Variants in TRMT6 observed in about 807,000 individuals in gnomAD.
The protein encoded by TRMT6 is tRNA methyltransferase 6 non-catalytic subunit.
A neutral mutation model predicts 59.0 loss-of-function variants in TRMT6; 34 were observed. That is an observed-to-expected ratio of 0.58 (90% CI 0.44 to 0.77). The LOEUF (loss-of-function observed/expected upper bound fraction) is 0.77. Ranked by LOEUF, TRMT6 falls within the 30% of genes least tolerant of loss-of-function variation. The probability of loss-of-function intolerance (pLI) is 0.00; values close to 1 mark genes in which losing one functional copy is unlikely to be tolerated. For synonymous variants in TRMT6, 217 were observed against 210.5 expected, an observed-to-expected ratio of 1.03 and a Z score of -0.27; for missense variants, 575 against 604.5, an observed-to-expected ratio of 0.95 and a Z score of 0.51.
At position 5,938,674 on chromosome 20, in the gene TRMT6, T is replaced by C. The variant is rs2088629102; in HGVS notation, c.1355A>G (p.Tyr452Cys). 1 of 1,614,188 alleles carries C rather than the reference T, an allele frequency of 6.2e-7. No homozygotes were observed. The highest frequency in any genetic ancestry group is 8.5e-7 in the Non-Finnish European group (1 of 1,180,022). ...GGCAACGGTGAAGCCGGAGAGAAGA[T>C]AACCCCCACCTCCACTCATCAGCAG... ...PKLLMSGGGG[Y>C]LLSGFTVAMD... Residue 452 changes from tyrosine to cysteine, a missense_variant, in exon 11 of 11, where the codon TAT becomes TGT. Coordinates refer to ENST00000203001, the MANE Select transcript of TRMT6 (RefSeq NM_015939.5).
At chr20:5,939,307 C>A (rs898929052) in intron 10 of TRMT6, among the ~76,000 whole-genome samples, 1 of 151,778 alleles carries the variant, frequency 6.6e-6, no homozygotes, top group Non-Finnish European at 1.5e-5. Context: ...ATGGTGAAAC[C>A]CCATCTCTAC....
chr20:5,940,979 G>T, intron 10 of TRMT6, 74 bp downstream of exon 10: 2 of 1,158,328 alleles, frequency 1.7e-6, no homozygotes, highest in South Asian at 2.5e-5. Context: ...TCTATTTAAT[G>T]ACTTCTAGTA....
In TRMT6 at chr20:5,941,582, A is replaced by G. The variant is rs535714619; in HGVS notation, c.1113-237T>C. The G allele has an allele frequency of 6.0e-4, 335 of 558,556 alleles. 2 individuals carry two copies. The highest frequency in any genetic ancestry group is 5.6e-3 in the African/African-American group (301 of 53,474). The allele number at this position is 558,556 out of a possible 1,614,324, so 34.6% of individuals were successfully genotyped here. A position where few individuals can be genotyped will look rare whatever the true frequency, so the allele number is the denominator to read the frequency against. On this transcript the variant is annotated intron_variant, in intron 8 of 10. Transcript: ENST00000203001. ...TGGCAACTCTAAGTCGCATTTAATG[A>G]CATTCTTGATTTTTTAAAAAAAATC...
At chr20:5,940,341 G>C (rs1297631590) in intron 10 of TRMT6, among the ~76,000 whole-genome samples, 1 of 152,160 alleles carries the variant, frequency 6.6e-6, no homozygotes, top group Non-Finnish European at 1.5e-5. Flanking sequence ...CTGAAAACTT[G>C]CTGCAAAAAC....
Position 5,937,759 on chromosome 20 carries a change from T to C in TRMT6, c.*776A>G, listed in dbSNP as rs2083583111. 1 of 152,218 alleles carries C rather than the reference T, an allele frequency of 6.6e-6. No individual in the cohort carries two copies. Among genetic ancestry groups the C allele is most frequent in the Non-Finnish European group, 1.5e-5 (1 of 68,038 alleles). The allele number at this position is 152,218 out of a possible 1,614,324, so 9.4% of individuals were successfully genotyped here. ...GTATATATCTGTGTATATATAAATA[T>C]ATGTGTGTATATATACCAACATCTA... On this transcript the variant is annotated 3_prime_UTR_variant, in exon 11 of 11. Transcript: ENST00000203001.
At chr20:5,940,910 C>T (rs1335494639) in intron 10 of TRMT6, 143 bp downstream of exon 10, 1 of 691,628 alleles carries the variant, frequency 1.4e-6, no homozygotes, top group Non-Finnish European at 2.6e-6. Context: ...ATCTGCCTGC[C>T]TTGGCCTCCC....
At position 5,943,558 on chromosome 20, in the gene TRMT6, C is replaced by T. The variant is rs2088677777; in HGVS notation, c.667+1G>A. On this transcript the variant is annotated splice_donor_variant, in intron 6 of 10. Transcript: ENST00000203001. LOFTEE classifies it high-confidence loss of function. ...TTGAAAATGGAAATATTAAATCTTA[C>T]CTCCCATTCGTTCCATCATTGCACC... 6.2e-7 allele frequency: 1 copy of T among 1,613,914 alleles called. No homozygotes were observed. The highest frequency in any genetic ancestry group is 8.5e-7 in the Non-Finnish European group (1 of 1,179,978).
At chr20:5,941,823 C>G (rs2088658418) in intron 8 of TRMT6, 128 bp downstream of exon 8, 1 of 800,590 alleles carries the variant, frequency 1.2e-6, no homozygotes, top group Non-Finnish European at 2.0e-6. Flanking sequence ...TTAAAAAAAC[C>G]CCCAAGACAA....
At chr20:5,938,751 A>G (rs1485094919) in intron 10 of TRMT6, 25 bp from the exon 11 acceptor site, 1 of 1,606,348 alleles carries the variant, frequency 6.2e-7, no homozygotes, top group Non-Finnish European at 8.5e-7. Context: ...AAAGACATTC[A>G]TGCTTTCCTA....
At chr20:5,944,748 A>C in intron 3 of TRMT6, 57 bp downstream of exon 3, 2 of 1,390,288 alleles carry the variant, frequency 1.4e-6, no homozygotes, top group Non-Finnish European at 2.0e-6. Flanking sequence ...TAAAAACCCA[A>C]CAGTTTCCTA....
chr20:5,950,136 G>A (rs2088772398), intron 1 of TRMT6, 142 bp downstream of exon 1: 2 of 838,818 alleles, frequency 2.4e-6, no homozygotes, highest in Non-Finnish European at 3.6e-6. Flanking sequence ...AGAAAGACCC[G>A]AGGAGACAAC....
Position 5,943,426 on chromosome 20 carries a change from C to T in TRMT6, c.667+133G>A, listed in dbSNP as rs769160308. The T allele has an allele frequency of 5.6e-5, 66 of 1,170,910 alleles. 1 individual carries two copies. The South Asian group carries it at 8.1e-4, about 14-fold the overall frequency. 72.5% of individuals were successfully genotyped at this position (1,170,910 alleles called of 1,614,324 possible). ...GTAAGAAGGTCCCCATGCTAGGAGC[C>T]GTGCAGGTTCACCCAAGTCACTTTG... On this transcript the variant is annotated intron_variant, in intron 6 of 10. Coordinates refer to ENST00000203001, the MANE Select transcript of TRMT6 (RefSeq NM_015939.5).
At chr20:5,943,182 CAGAGAGAA>C (rs2088674318) in intron 6 of TRMT6, among the ~76,000 whole-genome samples, 1 of 152,040 alleles carries the variant, frequency 6.6e-6, no homozygotes, top group African/African-American at 2.4e-5. Context: ...TGTATTCTTC[CAGAGAGAA>C]TACATGCTTA....
At chr20:5,942,230 G>T in intron 7 of TRMT6, 194 bp from the exon 8 acceptor site, 1 of 716,866 alleles carries the variant, frequency 1.4e-6, no homozygotes, top group Non-Finnish European at 2.3e-6. Flanking sequence ...AGCTATCTAT[G>T]CAACGCTTCT....
At position 5,944,015 on chromosome 20, in the gene TRMT6, T is replaced by C. The variant is rs1478531139; in HGVS notation, c.475A>G (p.Thr159Ala). ...KKKKKYEAIITVVKPSTRILS... is the reference protein window; with the variant it reads ...KKKKKYEAIIAVVKPSTRILS... ...ATACGGGTGGATGGCTTCACAACAG[T>C]AATGATGGCTTCATATCTGGGGGAA... The change falls in exon 5 of 11, where the codon ACT (threonine) becomes GCT (alanine). Residue 159 changes from threonine (T) to alanine (A), a missense_variant. By Grantham distance (58) the Thr-to-Ala change is moderately conservative. Coordinates refer to ENST00000203001, the MANE Select transcript of TRMT6 (RefSeq NM_015939.5). 6.2e-7 allele frequency: 1 copy of C among 1,601,220 alleles called. No individual in the cohort carries two copies. Among genetic ancestry groups the C allele is most frequent in the Non-Finnish European group, 8.5e-7 (1 of 1,173,972 alleles).
At chr20:5,945,816 G>A (rs953932980) in intron 2 of TRMT6, among the ~76,000 whole-genome samples, 5 of 152,084 alleles carry the variant, frequency 3.3e-5, no homozygotes, top group African/African-American at 9.7e-5. Flanking sequence ...TTGGACAAGA[G>A]GTTGTTAAGA....
At chr20:5,943,511 C>T in intron 6 of TRMT6, 48 bp downstream of exon 6, 1 of 1,608,086 alleles carries the variant, frequency 6.2e-7, no homozygotes. Flanking sequence ...ACCACCTTTA[C>T]TCACATCAGG....
chr20:5,947,129 C>T (rs2088714563), intron 1 of TRMT6, among the ~76,000 whole-genome samples: 1 of 152,190 alleles, frequency 6.6e-6, no homozygotes, highest in African/African-American at 2.4e-5. Flanking sequence ...TCCAGAAGAG[C>T]AATCCGAGGC....
Position 5,938,742 on chromosome 20 carries a change from A to G in TRMT6, c.1303-16T>C. ...CTGGCAAAACCTAATCAAGACAGAA[A>G]AGACATTCATGCTTTCCTAAGACAA... On this transcript the variant is annotated splice_polypyrimidine_tract_variant and intron_variant, in intron 10 of 10. Coordinates refer to ENST00000203001, the MANE Select transcript of TRMT6 (RefSeq NM_015939.5). 6.2e-7 allele frequency: 1 copy of G among 1,610,826 alleles called. No individual in the cohort carries two copies. Among genetic ancestry groups the G allele is most frequent in the Non-Finnish European group, 8.5e-7 (1 of 1,178,108 alleles).
Sources: gnomAD v4.1 joint callset for allele counts (sites outside exome capture counted in the v4.1 genomes callset) on GRCh38, gnomAD v4.1.1 for gene constraint, MANE v1.5 for transcripts, NCBI Gene and HGNC (gene_info 2026-07-23, HGNC 2026-07-21) for gene names.